RPGRIP1L: variants seen among roughly 807,000 people sequenced by gnomAD.
RPGRIP1L encodes the protein protein fantom.
A neutral mutation model predicts 160.4 loss-of-function variants in RPGRIP1L; 131 were observed. The observed-to-expected ratio is 0.82, with a 90% CI of 0.71 to 0.94. RPGRIP1L has a LOEUF of 0.94. Among genes scored for constraint, RPGRIP1L ranks in the 40% least tolerant of loss-of-function variants. The pLI, the probability that RPGRIP1L is intolerant of heterozygous loss-of-function variation, is 0.00. For missense variants in RPGRIP1L, 1,522 were observed against 1,535.8 expected (o/e 0.99, Z 0.15); for synonymous variants, 510 against 515.8 (o/e 0.99, Z 0.15).
At chr16:53,648,692 A>C (rs570947941) in intron 16 of RPGRIP1L, among the ~76,000 whole-genome samples, 7 of 151,948 alleles carry the variant, frequency 4.6e-5, no homozygotes, top group Non-Finnish European at 7.4e-5. Flanking sequence ...AATCTGAGTA[A>C]GGTATGTAGC....
chr16:53,612,811 A>G (rs2150945061), intron 24 of RPGRIP1L, among the ~76,000 whole-genome samples: 1 of 152,352 alleles, frequency 6.6e-6, no homozygotes, highest in Non-Finnish European at 1.5e-5. Context: ...GGCATTAAAT[A>G]TCTACATATT....
chr16:53,615,472 A>ATATTTT (rs1343321461), intron 24 of RPGRIP1L, among the ~76,000 whole-genome samples: 4 of 75,080 alleles, frequency 5.3e-5, no homozygotes, highest in African/African-American at 1.6e-4. Context: ...ATATATATAT[A>ATATTTT]TTTTTTTTTT....
chr16:53,649,912 T>C (rs1966830838), intron 15 of RPGRIP1L, among the ~76,000 whole-genome samples: 1 of 152,224 alleles, frequency 6.6e-6, no homozygotes, highest in South Asian at 2.1e-4. Flanking sequence ...GACTAGTATA[T>C]AAAGGCTACT....
rs397945611 is a variant in RPGRIP1L at position 53,617,073 on chromosome 16, C to CAAAAAAAAAAAAAAAAAAAAAAAAAAAA, written c.3616+1951_3616+1952insTTTTTTTTTTTTTTTTTTTTTTTTTTTT. ...GGCAATAGCACCAGACCTTGCATCA[C>CAAAAAAAAAAAAAAAAAAAAAAAAAAAA]AAAAAAAAAAAAAAAAAAAAAAAAA... On this transcript the variant is annotated intron_variant, in intron 24 of 26. Transcript: ENST00000647211. 6.9e-4 allele frequency among the ~76,000 whole-genome samples: 15 copies of CAAAAAAAAAAAAAAAAAAAAAAAAAAAA among 21,844 alleles called. 1 individual carries two copies. Among genetic ancestry groups the CAAAAAAAAAAAAAAAAAAAAAAAAAAAA allele is most frequent in the East Asian group, 3.2e-3 (3 of 928 alleles). 14.3% of individuals were successfully genotyped at this position (21,844 alleles called of 152,430 possible). A position where few individuals can be genotyped will look rare whatever the true frequency, so the allele number is the denominator to read the frequency against.
intron 10 of RPGRIP1L, among the ~76,000 whole-genome samples, chr16:53,660,560 AAAAT>A (rs1045524231): frequency 2.7e-5 from 4 of 150,680 alleles, no homozygotes; most frequent in Non-Finnish European, 5.9e-5. Context: ...AAAAAATAAA[AAAAT>A]AAAAAAAAAA....
intron 22 of RPGRIP1L, among the ~76,000 whole-genome samples, chr16:53,631,661 G>A (rs959451607): frequency 2.6e-5 from 4 of 151,568 alleles, no homozygotes; most frequent in African/African-American, 9.7e-5. Context: ...GTTAACTTCT[G>A]ATTATTCAAA....
At chr16:53,620,621 T>A (rs940416897) in intron 23 of RPGRIP1L, among the ~76,000 whole-genome samples, 2 of 152,164 alleles carry the variant, frequency 1.3e-5, no homozygotes, top group African/African-American at 4.8e-5. Context: ...AAAGTGATGG[T>A]CTTTGACTTG....
intron 11 of RPGRIP1L, 80 bp downstream of exon 11, chr16:53,658,692 G>C: frequency 1.0e-6 from 1 of 980,594 alleles, no homozygotes; most frequent in East Asian, 2.6e-5. Context: ...CTTTCGCTTT[G>C]TAGTATAGTG....
chr16:53,630,294 C>T lies in RPGRIP1L; in HGVS notation c.3294+6145G>A, dbSNP rs567865132. Among the ~76,000 whole-genome samples, 28 of 152,272 alleles carry T rather than the reference C, an allele frequency of 1.8e-4. No individual in the cohort carries two copies. In the East Asian group the frequency reaches 5.4e-3, roughly 29 times the overall value. ...TGAACTGCTATCCTCAAACAATCCT[C>T]TTGCCTTGGACTTCCTCAAGTGTTA... On this transcript the variant is annotated intron_variant, in intron 22 of 26. Coordinates refer to ENST00000647211, the MANE Select transcript of RPGRIP1L (RefSeq NM_015272.5).
At chr16:53,664,208 T>C (rs1029745307) in intron 10 of RPGRIP1L, among the ~76,000 whole-genome samples, 1 of 152,252 alleles carries the variant, frequency 6.6e-6, no homozygotes, top group African/African-American at 2.4e-5. Context: ...TCTTTAATTA[T>C]AATTCTTTTA....
chr16:53,634,413 A>G (rs1402786584), intron 22 of RPGRIP1L, among the ~76,000 whole-genome samples: 4 of 152,174 alleles, frequency 2.6e-5, no homozygotes, highest in Non-Finnish European at 2.9e-5. Flanking sequence ...TAAATTTGGT[A>G]TATAATTTAC....
intron 2 of RPGRIP1L, among the ~76,000 whole-genome samples, chr16:53,698,136 G>A (rs1268573275): frequency 6.7e-6 from 1 of 148,228 alleles, no homozygotes; most frequent in Non-Finnish European, 1.5e-5. Flanking sequence ...CAACCGCCCC[G>A]TCTGAGAAGT....
At chr16:53,638,193 G>T in intron 20 of RPGRIP1L, 117 bp downstream of exon 20, 1 of 711,414 alleles carries the variant, frequency 1.4e-6, no homozygotes, top group Non-Finnish European at 2.5e-6. Flanking sequence ...TTCCAAGGAA[G>T]TCATATATAA....
chr16:53,665,677 GT>G (rs1311194098), intron 9 of RPGRIP1L, among the ~76,000 whole-genome samples: 1 of 152,192 alleles, frequency 6.6e-6, no homozygotes, highest in African/African-American at 2.4e-5. Flanking sequence ...AAGTACAGCA[GT>G]TTAAACCATG....
At chr16:53,626,298 C>T (rs990594015) in intron 22 of RPGRIP1L, among the ~76,000 whole-genome samples, 33 of 152,066 alleles carry the variant, frequency 2.2e-4, no homozygotes, top group Non-Finnish European at 1.9e-4. Flanking sequence ...ACTAGAGCAA[C>T]ATGACCGGTC....
At chr16:53,618,392 TGAAA>T (rs1964509561) in intron 24 of RPGRIP1L, among the ~76,000 whole-genome samples, 4 of 152,232 alleles carry the variant, frequency 2.6e-5, no homozygotes. Context: ...ATGACTTCTT[TGAAA>T]GATATTTCTT....
intron 12 of RPGRIP1L, 78 bp downstream of exon 12, chr16:53,658,336 G>C: frequency 5.0e-6 from 5 of 1,003,188 alleles, no homozygotes; most frequent in Non-Finnish European, 8.0e-6. Context: ...CAAATGTAAG[G>C]GTTACAGATA....
chr16:53,679,152 G>A (rs1969424332), intron 6 of RPGRIP1L, among the ~76,000 whole-genome samples: 1 of 152,160 alleles, frequency 6.6e-6, no homozygotes, highest in Non-Finnish European at 1.5e-5. Flanking sequence ...TTACTTTCCT[G>A]TGGTGTTGGG....
At chr16:53,633,254 A>G (rs1965629723) in intron 22 of RPGRIP1L, among the ~76,000 whole-genome samples, 1 of 152,228 alleles carries the variant, frequency 6.6e-6, no homozygotes, top group South Asian at 2.1e-4. Context: ...ACCAAAGTTA[A>G]CACCATCAAT....
Sources: allele counts gnomAD v4.1 joint callset (sites outside exome capture counted in the v4.1 genomes callset), GRCh38; gene constraint gnomAD v4.1.1; transcripts MANE v1.5; gene names NCBI Gene and HGNC (gene_info 2026-07-23, HGNC 2026-07-21).